The following TNFRSF1B variants were observed in gnomAD, a reference collection of about 807,000 sequenced individuals.
The protein encoded by TNFRSF1B is TNF receptor superfamily member 1B.
A neutral mutation model predicts 44.6 loss-of-function variants in TNFRSF1B; 19 were observed. The ratio of observed to expected loss-of-function variants is 0.43; its 90% CI spans 0.30 to 0.62. The LOEUF (loss-of-function observed/expected upper bound fraction) is 0.62. Ranked by LOEUF, TNFRSF1B falls within the 20% of genes least tolerant of loss-of-function variation. The pLI is 0.16. For missense variants in TNFRSF1B, 541 were observed against 619.9 expected, an observed-to-expected ratio of 0.87 and a Z score of 1.35; for synonymous variants, 252 against 261.1, an observed-to-expected ratio of 0.97 and a Z score of 0.34.
intron 9 of TNFRSF1B, among the ~76,000 whole-genome samples, chr1:12,202,407 A>G (rs892969606): frequency 6.6e-6 from 1 of 152,148 alleles, no homozygotes; most frequent in Non-Finnish European, 1.5e-5. Flanking sequence ...AGTCCCTGGT[A>G]TCTGGGGGAG....
Position 12,168,713 on chromosome 1 carries a change from G to A in TNFRSF1B, c.78+1544G>A, listed in dbSNP as rs771986346. On this transcript the variant is annotated intron_variant, in intron 1 of 9. Coordinates refer to ENST00000376259, the MANE Select transcript of TNFRSF1B (RefSeq NM_001066.3). This position sits in a 1 kb window ranked among gnomAD's most constrained non-coding sequence, Gnocchi z 4.7. ...CCTTCCCTTCCTGACCAGCTCCTGC[G>A]GCAGCTCATATTCCCTCCTCCCTCA... is the stretch of plus-strand genomic sequence containing the variant. Among the ~76,000 whole-genome samples the A allele has an allele frequency of 8.5e-5, 13 of 152,072 alleles. No individual in the cohort carries two copies. Among genetic ancestry groups the A allele is most frequent in the African/African-American group, 1.2e-4 (5 of 41,410 alleles).
Position 12,193,813 on chromosome 1 carries a change from A to G in TNFRSF1B, c.788-142A>G. 5 of 656,396 alleles carry G rather than the reference A, an allele frequency of 7.6e-6. No individual in the cohort carries two copies. The South Asian group carries it at 9.1e-5, about 12-fold the overall frequency. The allele number at this position is 656,396 out of a possible 1,614,324, so 40.7% of individuals were successfully genotyped here. A position where few individuals can be genotyped will look rare whatever the true frequency, so the allele number is the denominator to read the frequency against. ...GGCACACAGACATGATTGCTTTGTA[A>G]TTGGATTTGAGAATCTCCGGCCTAG... On this transcript the variant is annotated intron_variant, in intron 6 of 9. Transcript: ENST00000376259.
intron 9 of TNFRSF1B, among the ~76,000 whole-genome samples, 158 bp downstream of exon 9, chr1:12,202,329 C>T (rs55878238): frequency 7.2e-5 from 11 of 152,242 alleles, no homozygotes; most frequent in African/African-American, 1.4e-4. Flanking sequence ...AGTTCCCTCC[C>T]GCCTTTGCCC....
rs2101073876 is a variant in TNFRSF1B at position 12,169,930 on chromosome 1, G to C, written c.78+2761G>C. ...ACTATTTGCCTCCTCATCACCCAGGGCCTGGGGCCAGTTTGGGTTAGGGGA... is the reference window on the plus strand; with the variant it reads ...ACTATTTGCCTCCTCATCACCCAGGCCCTGGGGCCAGTTTGGGTTAGGGGA... On this transcript the variant is annotated intron_variant, in intron 1 of 9. Coordinates refer to ENST00000376259, the MANE Select transcript of TNFRSF1B (RefSeq NM_001066.3). The surrounding 1 kb of genome is among the most constrained non-coding windows in gnomAD (Gnocchi z 4.5). 6.6e-6 allele frequency among the ~76,000 whole-genome samples: 1 copy of C among 152,298 alleles called. No homozygotes were observed. The highest frequency in any genetic ancestry group is 1.9e-4 in the East Asian group (1 of 5,176).
At position 12,188,776 on chromosome 1, in the gene TNFRSF1B, T is replaced by C. The variant is rs1639042814; in HGVS notation, c.79-20T>C. On this transcript the variant is annotated intron_variant, in intron 1 of 9. Transcript: ENST00000376259. ...CCAGGGGCGGCCCTGTTGATGGCAGTCTTCCCTTCTTCCTTCCAGGTGGCA... is the reference window on the plus strand; with the variant it reads ...CCAGGGGCGGCCCTGTTGATGGCAGCCTTCCCTTCTTCCTTCCAGGTGGCA... 1 of 1,611,360 alleles carries C rather than the reference T, an allele frequency of 6.2e-7. No homozygotes were observed. The highest frequency in any genetic ancestry group is 8.5e-7 in the Non-Finnish European group (1 of 1,178,268).
chr1:12,197,371 A>G (rs1459648670), intron 8 of TNFRSF1B, among the ~76,000 whole-genome samples: 1 of 152,168 alleles, frequency 6.6e-6, no homozygotes, highest in East Asian at 1.9e-4. Context: ...GGTGTTTGCT[A>G]ATTTCTGTGG....
At chr1:12,172,093 CCACT>C (rs1304570664) in intron 1 of TNFRSF1B, among the ~76,000 whole-genome samples, 2 of 152,104 alleles carry the variant, frequency 1.3e-5, no homozygotes, top group African/African-American at 4.8e-5. Flanking sequence ...AGGGATGGGG[CCACT>C]CACTGACGGT....
chr1:12,207,785 C>T lies in TNFRSF1B; in HGVS notation c.*765C>T, dbSNP rs1639543444. On this transcript the variant is annotated 3_prime_UTR_variant, in exon 10 of 10. Coordinates refer to ENST00000376259, the MANE Select transcript of TNFRSF1B (RefSeq NM_001066.3). ...ATTAGCCGGGCGTGGTGGCGGGCAC[C>T]TATAGTCCCAGCTACTCAGAAGCCT... 1 of 152,278 alleles carries T rather than the reference C, an allele frequency of 6.6e-6. No individual in the cohort carries two copies. Among genetic ancestry groups the T allele is most frequent in the Non-Finnish European group, 1.5e-5 (1 of 68,146 alleles). 9.4% of individuals were successfully genotyped at this position (152,278 alleles called of 1,614,324 possible).
intron 1 of TNFRSF1B, chr1:12,167,521 C>T (rs868835021): frequency 7.2e-6 from 3 of 417,990 alleles, no homozygotes; most frequent in Middle Eastern, 3.2e-4. Flanking sequence ...CCCCTCTTCC[C>T]TCACCCCGGC....
At chr1:12,173,583 T>C (rs1314790975) in intron 1 of TNFRSF1B, among the ~76,000 whole-genome samples, 1 of 152,212 alleles carries the variant, frequency 6.6e-6, no homozygotes, top group African/African-American at 2.4e-5. Context: ...TTCCCCACAC[T>C]GTAGGAAAGT....
Position 12,186,086 on chromosome 1 carries a change from G to A in TNFRSF1B, c.79-2710G>A, listed in dbSNP as rs1315521818. ...GAAATCAGCTGGGGTGCAAAGGCCT[G>A]GGGGTCAGAAGAGTGGCAGATTGCT... On this transcript the variant is annotated intron_variant, in intron 1 of 9. Transcript: ENST00000376259. The surrounding 1 kb of genome is among the most constrained non-coding windows in gnomAD (Gnocchi z 4.8). Among the ~76,000 whole-genome samples the A allele has an allele frequency of 6.6e-6, 1 of 152,210 alleles. No individual in the cohort carries two copies. Among genetic ancestry groups the A allele is most frequent in the Non-Finnish European group, 1.5e-5 (1 of 68,024 alleles).
rs1339211483 is a variant in TNFRSF1B, at chr1:12,186,306, GA to G, written c.79-2489del. 2.0e-5 allele frequency among the ~76,000 whole-genome samples: 3 copies of G among 152,172 alleles called. No individual in the cohort carries two copies. In the East Asian group the frequency reaches 5.8e-4, roughly 29 times the overall value. ...GCAGGCCCAAACTCTGGGCAGTCCT[GA>G]CTCCCAGGCAGTGCTGTGAGGAAGG... On this transcript the variant is annotated intron_variant, in intron 1 of 9. Coordinates refer to ENST00000376259, the MANE Select transcript of TNFRSF1B (RefSeq NM_001066.3). The surrounding 1 kb of genome is among the most constrained non-coding windows in gnomAD (Gnocchi z 4.8).
rs1639000121 is a variant in TNFRSF1B, at chr1:12,186,912, T to C, written c.79-1884T>C. Among the ~76,000 whole-genome samples, 1 of 152,194 alleles carries C rather than the reference T, an allele frequency of 6.6e-6. No homozygotes were observed. The highest frequency in any genetic ancestry group is 1.5e-5 in the Non-Finnish European group (1 of 68,042). ...CATTCTGAGCTTGCTCTCAGCCTGG[T>C]AGAGGTGGCTAATTAATGCTTGTCC... On this transcript the variant is annotated intron_variant, in intron 1 of 9. Transcript: ENST00000376259. The surrounding 1 kb of genome is among the most constrained non-coding windows in gnomAD (Gnocchi z 4.8).
At position 12,168,510 on chromosome 1, in the gene TNFRSF1B, T is replaced by C. The variant is rs1638445144; in HGVS notation, c.78+1341T>C. 6.6e-6 allele frequency among the ~76,000 whole-genome samples: 1 copy of C among 152,030 alleles called. No homozygotes were observed. The highest frequency in any genetic ancestry group is 1.5e-5 in the Non-Finnish European group (1 of 67,976). On this transcript the variant is annotated intron_variant, in intron 1 of 9. Coordinates refer to ENST00000376259, the MANE Select transcript of TNFRSF1B (RefSeq NM_001066.3). This position sits in a 1 kb window ranked among gnomAD's most constrained non-coding sequence, Gnocchi z 4.7. ...ACGACCGTGGTCCCCAGCTTGACTTTGGGGTCATGCCATATACTCTGGCCT... is the reference window on the plus strand; with the variant it reads ...ACGACCGTGGTCCCCAGCTTGACTTCGGGGTCATGCCATATACTCTGGCCT...
At position 12,183,771 on chromosome 1, in the gene TNFRSF1B, A is replaced by AGC. The variant is rs1419494173; in HGVS notation, c.79-5025_79-5024insGC. ...TATCTAGCTAGCTAGCTAGCTAGCT[A>AGC]TCTATTCTATCTACCTACCTATCTA... On this transcript the variant is annotated intron_variant, in intron 1 of 9. Coordinates refer to ENST00000376259, the MANE Select transcript of TNFRSF1B (RefSeq NM_001066.3). 1.0e-3 allele frequency among the ~76,000 whole-genome samples: 130 copies of AGC among 127,740 alleles called. 3 individuals are homozygous for AGC. Among genetic ancestry groups the AGC allele is most frequent in the African/African-American group, 2.5e-3 (90 of 36,274 alleles). 83.8% of individuals were successfully genotyped at this position (127,740 alleles called of 152,430 possible).
At position 12,188,752 on chromosome 1, in the gene TNFRSF1B, CA is replaced by C. The variant is rs1000479454; in HGVS notation, c.79-43del. On this transcript the variant is annotated intron_variant, in intron 1 of 9. Transcript: ENST00000376259. ...CCTGGGCATCAGGCATGGCAGAACC[CA>C]GGGGCGGCCCTGTTGATGGCAGTCT... is the stretch of plus-strand genomic sequence containing the variant. The C allele has an allele frequency of 1.9e-6, 3 of 1,586,970 alleles. No individual in the cohort carries two copies. In the African/African-American group the frequency reaches 4.0e-5, roughly 21 times the overall value.
intron 9 of TNFRSF1B, among the ~76,000 whole-genome samples, chr1:12,206,413 C>G (rs1028822897): frequency 6.6e-6 from 1 of 151,580 alleles, no homozygotes; most frequent in African/African-American, 2.4e-5. Context: ...GTTGCCCAGT[C>G]TGGTCTTGAA....
At position 12,199,813 on chromosome 1, in the gene TNFRSF1B, T is replaced by C. The variant is rs766504409; in HGVS notation, c.901-2154T>C. On this transcript the variant is annotated intron_variant, in intron 8 of 9. Coordinates refer to ENST00000376259, the MANE Select transcript of TNFRSF1B (RefSeq NM_001066.3). This position sits in a 1 kb window ranked among gnomAD's most constrained non-coding sequence, Gnocchi z 4.0. ...CACTCATCTCTACCCTCCTTCTTTCTGCCTGGGACACTTGTTTTCATCCTG... is the reference window on the plus strand; with the variant it reads ...CACTCATCTCTACCCTCCTTCTTTCCGCCTGGGACACTTGTTTTCATCCTG... 4.6e-5 allele frequency among the ~76,000 whole-genome samples: 7 copies of C among 152,234 alleles called. No individual in the cohort carries two copies. The highest frequency in any genetic ancestry group is 9.6e-5 in the African/African-American group (4 of 41,462).
At position 12,180,082 on chromosome 1, in the gene TNFRSF1B, G is replaced by A. The variant is rs184097215; in HGVS notation, c.79-8714G>A. On this transcript the variant is annotated intron_variant, in intron 1 of 9. Coordinates refer to ENST00000376259, the MANE Select transcript of TNFRSF1B (RefSeq NM_001066.3). This position sits in a 1 kb window ranked among gnomAD's most constrained non-coding sequence, Gnocchi z 4.3. ...GGGGGGACCCCCTGGGGAAGGCTGG[G>A]AGCATGACCTCTTCCCAAGGGTACG... Among the ~76,000 whole-genome samples, 202 of 152,022 alleles carry A rather than the reference G, an allele frequency of 1.3e-3. 3 individuals carry two copies. Among genetic ancestry groups the A allele is most frequent in the Admixed American group, 3.6e-3 (55 of 15,288 alleles).
Sources: allele counts gnomAD v4.1 joint callset (sites outside exome capture counted in the v4.1 genomes callset), GRCh38; gene constraint gnomAD v4.1.1; non-coding constraint Gnocchi (gnomAD v3.1); transcripts MANE v1.5; gene names NCBI Gene and HGNC (gene_info 2026-07-23, HGNC 2026-07-21).